The following WIPF2 variants were observed in gnomAD, a reference collection of about 807,000 sequenced individuals.
WIPF2 encodes the protein WAS/WASL interacting protein family member 2, also known as WAS/WASL-interacting protein family member 2.
Under a neutral mutation model 38.8 loss-of-function variants are expected in WIPF2, and 23 were observed. The observed-to-expected ratio is 0.59, with a 90% CI of 0.43 to 0.84. WIPF2 has a LOEUF of 0.84. Ranked by LOEUF, WIPF2 falls within the 40% of genes least tolerant of loss-of-function variation. WIPF2 has a pLI of 0.00. For missense variants in WIPF2, 574 were observed against 580.5 expected, an observed-to-expected ratio of 0.99 and a Z score of 0.11; for synonymous variants, 210 against 223.2, an observed-to-expected ratio of 0.94 and a Z score of 0.53.
intron 1 of WIPF2, among the ~76,000 whole-genome samples, chr17:40,250,314 T>G (rs1261492030): frequency 7.3e-6 from 1 of 136,420 alleles, no homozygotes; most frequent in Non-Finnish European, 1.5e-5. Context: ...CACTGCAAGC[T>G]CTGCCTCCCG....
At chr17:40,272,346 G>A (rs1450472563) in intron 5 of WIPF2, among the ~76,000 whole-genome samples, 2 of 152,160 alleles carry the variant, frequency 1.3e-5, no homozygotes, top group Non-Finnish European at 2.9e-5. Context: ...ATTGGTGATG[G>A]TGGTGGGGCG....
intron 1 of WIPF2, among the ~76,000 whole-genome samples, chr17:40,247,494 C>T (rs1211079518): frequency 4.0e-5 from 6 of 149,302 alleles, no homozygotes; most frequent in East Asian, 2.0e-4. Context: ...GCTGGGATTA[C>T]GGGCGTGAGC....
At chr17:40,246,689 G>T (rs960369178) in intron 1 of WIPF2, among the ~76,000 whole-genome samples, 1 of 152,048 alleles carries the variant, frequency 6.6e-6, no homozygotes, top group Non-Finnish European at 1.5e-5. Flanking sequence ...GAGCCACTGC[G>T]CCTGGCTAGG....
intron 1 of WIPF2, among the ~76,000 whole-genome samples, chr17:40,250,125 C>T (rs2031505189): frequency 1.3e-5 from 2 of 150,746 alleles, no homozygotes; most frequent in South Asian, 2.1e-4. Context: ...AGCCACCCTG[C>T]TGGACCGGAC....
intron 1 of WIPF2, among the ~76,000 whole-genome samples, chr17:40,255,204 A>T (rs1255018758): frequency 6.6e-6 from 1 of 152,144 alleles, no homozygotes; most frequent in Non-Finnish European, 1.5e-5. Flanking sequence ...AATTAAAAAT[A>T]TGGGCCAGCC....
Position 40,265,040 on chromosome 17 carries a change from A to G in WIPF2, c.864A>G (p.Pro288=). ...ACAATTCTTTGCATAGGAAGACACCAGGGCCTGTCAGAGGCCTAGCACCTC... is the reference window on the plus strand; with the variant it reads ...ACAATTCTTTGCATAGGAAGACACCGGGGCCTGTCAGAGGCCTAGCACCTC... The part of the protein sequence containing the change: ...QRHNSLHRKT[P]GPVRGLAPPP... The change falls in exon 5 of 8, where the codon CCA becomes CCG. Residue 288 remains proline (P), a synonymous_variant. Transcript: ENST00000323571. 6.2e-7 allele frequency: 1 copy of G among 1,613,952 alleles called. No individual in the cohort carries two copies. Among genetic ancestry groups the G allele is most frequent in the Non-Finnish European group, 8.5e-7 (1 of 1,179,990 alleles).
intron 1 of WIPF2, among the ~76,000 whole-genome samples, chr17:40,228,198 G>A (rs1266441089): frequency 4.0e-5 from 6 of 150,374 alleles, no homozygotes; most frequent in Admixed American, 4.0e-4. Flanking sequence ...TGTATTTTTA[G>A]TAGAGACGGG....
intron 1 of WIPF2, among the ~76,000 whole-genome samples, chr17:40,247,209 T>G (rs1241106154): frequency 8.9e-6 from 1 of 112,606 alleles, no homozygotes; most frequent in African/African-American, 3.3e-5. Flanking sequence ...ATTTCAGGGT[T>G]TTTTTTTTTT....
At chr17:40,240,244 T>C (rs972991729) in intron 1 of WIPF2, among the ~76,000 whole-genome samples, 6 of 151,962 alleles carry the variant, frequency 3.9e-5, no homozygotes, top group African/African-American at 7.2e-5. Context: ...TTTGTATGTT[T>C]AGTAGAGACG....
In WIPF2 at chr17:40,277,072, T is replaced by G. The variant is rs1402217083; in HGVS notation, c.1181-11T>G. On this transcript the variant is annotated splice_polypyrimidine_tract_variant and intron_variant, in intron 6 of 7. Transcript: ENST00000323571. The stretch of plus-strand genomic sequence containing the variant: ...AGGATGATAGGAATTAATGTTCTAT[T>G]CTTTTCGCAGATGATTTTGAGTCAA... 8.1e-6 allele frequency: 13 copies of G among 1,606,192 alleles called. No homozygotes were observed. Among genetic ancestry groups the G allele is most frequent in the Non-Finnish European group, 6.8e-6 (8 of 1,175,160 alleles).
At chr17:40,238,060 G>A (rs1354411876) in intron 1 of WIPF2, among the ~76,000 whole-genome samples, 1 of 144,926 alleles carries the variant, frequency 6.9e-6, no homozygotes, top group African/African-American at 2.6e-5. Context: ...GGGAGACTCC[G>A]TCTCAAAAGA....
chr17:40,256,557 T>C lies in WIPF2; in HGVS notation c.63+35T>C, dbSNP rs2031737651. ...CCTTCCATTAGGCTATCTCAAAACC[T>C]TTGAGTAAATAGGTTGATGGTCCTC... On this transcript the variant is annotated intron_variant, in intron 2 of 7. Coordinates refer to ENST00000323571, the MANE Select transcript of WIPF2 (RefSeq NM_133264.5). The C allele has an allele frequency of 8.3e-6, 13 of 1,561,994 alleles. No homozygotes were observed. In the East Asian group the frequency reaches 2.9e-4, roughly 35 times the overall value.
chr17:40,268,023 C>T (rs1323638751), intron 5 of WIPF2, among the ~76,000 whole-genome samples: 2 of 152,080 alleles, frequency 1.3e-5, no homozygotes, highest in African/African-American at 2.4e-5. Context: ...CGGTGCATGC[C>T]TGTAGTCCCA....
chr17:40,237,655 T>G (rs991147903), intron 1 of WIPF2, among the ~76,000 whole-genome samples: 1 of 146,010 alleles, frequency 6.8e-6, no homozygotes, highest in Non-Finnish European at 1.5e-5. Flanking sequence ...GGGCTTTTTG[T>G]TTTTTTTTTA....
At chr17:40,258,069 GT>G (rs2145367180) in intron 2 of WIPF2, among the ~76,000 whole-genome samples, 1 of 152,186 alleles carries the variant, frequency 6.6e-6, no homozygotes, top group East Asian at 1.9e-4. Context: ...TTTAGATGAA[GT>G]TTTGTGTGGA....
At chr17:40,226,868 A>T (rs2030513466) in intron 1 of WIPF2, among the ~76,000 whole-genome samples, 1 of 151,556 alleles carries the variant, frequency 6.6e-6, no homozygotes, top group African/African-American at 2.4e-5. Context: ...TAGCCTCCTG[A>T]GTAGCTGAGA....
At chr17:40,235,045 A>T (rs1039789038) in intron 1 of WIPF2, among the ~76,000 whole-genome samples, 2 of 151,684 alleles carry the variant, frequency 1.3e-5, no homozygotes, top group Admixed American at 6.6e-5. Flanking sequence ...CAGCCTCCCT[A>T]GTAGCTGGGA....
chr17:40,228,953 C>G (rs1487442570), intron 1 of WIPF2, among the ~76,000 whole-genome samples: 1 of 150,490 alleles, frequency 6.6e-6, no homozygotes. Flanking sequence ...TTTTTTTAGA[C>G]AAGGTTTCAT....
intron 5 of WIPF2, among the ~76,000 whole-genome samples, chr17:40,268,015 G>A (rs1356602254): frequency 6.6e-6 from 1 of 152,118 alleles, no homozygotes; most frequent in Non-Finnish European, 1.5e-5. Context: ...TGGCATGGCG[G>A]TGCATGCCTG....
Sources: gnomAD v4.1 joint callset for allele counts (sites outside exome capture counted in the v4.1 genomes callset) on GRCh38, gnomAD v4.1.1 for gene constraint, MANE v1.5 for transcripts, NCBI Gene and HGNC (gene_info 2026-07-23, HGNC 2026-07-21) for gene names.